The following PHF24 variants were observed in gnomAD, a reference collection of about 807,000 sequenced individuals.
PHF24 encodes the protein Galpha inhibitory interacting protein.
PHF24 carries 25 observed loss-of-function variants against 42.6 expected under a neutral mutation model. The ratio of observed to expected loss-of-function variants is 0.59; its 90% CI spans 0.43 to 0.82. The LOEUF is 0.82. PHF24 is among the 40% of genes least tolerant of loss of function. The pLI, the probability that PHF24 is intolerant of heterozygous loss-of-function variation, is 0.00. For missense variants in PHF24, 470 were observed against 538.1 expected (o/e 0.87, Z 1.25); for synonymous variants, 185 against 204.8 (o/e 0.90, Z 0.83).
chr9:34,894,682 C>T, the PHF24 span, among the ~76,000 whole-genome samples: 1 of 152,218 alleles, frequency 6.6e-6, no homozygotes, highest in East Asian at 1.9e-4. Flanking sequence ...TCTCATTTGT[C>T]CTTCACCATC....
At chr9:34,847,203 T>G in the PHF24 span, among the ~76,000 whole-genome samples, 1 of 152,226 alleles carries the variant, frequency 6.6e-6, no homozygotes. Context: ...TATGGCCATT[T>G]TCATGATATT....
At chr9:34,727,083 G>A in the PHF24 span, 1 of 1,467,734 alleles carries the variant, frequency 6.8e-7, no homozygotes, top group Non-Finnish European at 9.0e-7. Flanking sequence ...TCCCAGTCCT[G>A]AAAACCCTGG....
chr9:34,973,416 C>T (rs1378463154), intron 3 of PHF24, among the ~76,000 whole-genome samples: 3 of 152,202 alleles, frequency 2.0e-5, no homozygotes, highest in Non-Finnish European at 4.4e-5. Context: ...CAGAACTTCG[C>T]AAATTATATA....
the PHF24 span, among the ~76,000 whole-genome samples, chr9:34,693,054 G>A: frequency 3.9e-5 from 6 of 152,096 alleles, no homozygotes; most frequent in Non-Finnish European, 2.9e-5. Context: ...GCTTGCCTCC[G>A]CTTCCCAAAG....
chr9:34,715,653 T>C, the PHF24 span, among the ~76,000 whole-genome samples: 1 of 151,744 alleles, frequency 6.6e-6, no homozygotes, highest in Non-Finnish European at 1.5e-5. Flanking sequence ...TGCAGAGGAG[T>C]GCTTCACTGG....
the PHF24 span, among the ~76,000 whole-genome samples, chr9:34,920,737 T>C: frequency 6.6e-6 from 1 of 152,192 alleles, no homozygotes; most frequent in African/African-American, 2.4e-5. Flanking sequence ...AGTTTGTTCC[T>C]AGATATTTTA....
the PHF24 span, among the ~76,000 whole-genome samples, chr9:34,845,714 G>C: frequency 2.7e-5 from 4 of 150,724 alleles, no homozygotes; most frequent in Admixed American, 1.3e-4. Context: ...TCCTCATTTA[G>C]CATTAGGTAT....
chr9:34,922,123 G>A, the PHF24 span: 1 of 1,374,878 alleles, frequency 7.3e-7, no homozygotes, highest in Non-Finnish European at 1.0e-6. Context: ...GGGACAGCAT[G>A]GATGACAAAT....
At chr9:34,845,815 G>A in the PHF24 span, among the ~76,000 whole-genome samples, 1 of 136,120 alleles carries the variant, frequency 7.3e-6, no homozygotes, top group Non-Finnish European at 1.5e-5. Context: ...TGTTCTCATT[G>A]TTCAGTTCCC....
chr9:34,961,055 T>C (rs1764549225), intron 1 of PHF24, among the ~76,000 whole-genome samples: 11 of 152,202 alleles, frequency 7.2e-5, no homozygotes, highest in Admixed American at 7.2e-4. Flanking sequence ...GCCATTCCTT[T>C]CCTTCAACAT....
the PHF24 span, chr9:34,889,180 T>A: frequency 2.5e-6 from 1 of 398,618 alleles, no homozygotes; most frequent in Non-Finnish European, 4.4e-6. Flanking sequence ...ACCTATGAAC[T>A]CCTTTTTCTT....
chr9:34,693,149 C>T, the PHF24 span, among the ~76,000 whole-genome samples: 1 of 152,188 alleles, frequency 6.6e-6, no homozygotes, highest in African/African-American at 2.4e-5. Context: ...CCATCCACCC[C>T]TCTTTCCATT....
chr9:34,944,415 T>C, the PHF24 span, among the ~76,000 whole-genome samples: 1 of 152,244 alleles, frequency 6.6e-6, no homozygotes, highest in Non-Finnish European at 1.5e-5. Flanking sequence ...CCTGGCCAGG[T>C]TGTGCTGGTA....
At chr9:34,908,133 A>G in the PHF24 span, among the ~76,000 whole-genome samples, 28,662 of 151,940 alleles carry the variant, frequency 0.19, 3,111 homozygotes, top group East Asian at 0.5. Flanking sequence ...GAGCTGCCAC[A>G]CCCGGCCTCT....
the PHF24 span, among the ~76,000 whole-genome samples, chr9:34,698,745 G>C: frequency 6.6e-6 from 1 of 152,206 alleles, no homozygotes; most frequent in Non-Finnish European, 1.5e-5. Flanking sequence ...CTCCCAAAGT[G>C]CTGGGATTAC....
chr9:34,831,235 G>A, the PHF24 span, among the ~76,000 whole-genome samples: 1 of 152,294 alleles, frequency 6.6e-6, no homozygotes, highest in South Asian at 2.1e-4. Context: ...TCCTTGGCAG[G>A]AAAAAGTGTA....
At chr9:34,883,057 C>T in the PHF24 span, among the ~76,000 whole-genome samples, 1 of 152,144 alleles carries the variant, frequency 6.6e-6, no homozygotes, top group Non-Finnish European at 1.5e-5. Context: ...AGAAATAATG[C>T]CGCATATCTA....
chr9:34,678,585 T>C, the PHF24 span, among the ~76,000 whole-genome samples: 1 of 152,116 alleles, frequency 6.6e-6, no homozygotes, highest in African/African-American at 2.4e-5. Context: ...TCCGCCCGCC[T>C]AGGCATCCCA....
chr9:34,720,187 G>A, the PHF24 span, among the ~76,000 whole-genome samples: 4 of 152,118 alleles, frequency 2.6e-5, no homozygotes, highest in South Asian at 8.3e-4. Context: ...GCTCACGCCT[G>A]TAATCCCAGC....
Sources: allele counts gnomAD v4.1 joint callset (sites outside exome capture counted in the v4.1 genomes callset), GRCh38; gene constraint gnomAD v4.1.1; transcripts MANE v1.5; gene names NCBI Gene and HGNC (gene_info 2026-07-23, HGNC 2026-07-21).